FSTL4: variants seen among roughly 807,000 people sequenced by gnomAD.
The protein encoded by FSTL4 is follistatin like 4, also known as follistatin-related protein 4.
FSTL4 carries 28 observed loss-of-function variants against 78.2 expected under a neutral mutation model. That is an observed-to-expected ratio of 0.36 (90% CI 0.27 to 0.49). FSTL4 has a LOEUF of 0.49. Ranked by LOEUF, FSTL4 falls within the 20% of genes least tolerant of loss-of-function variation. FSTL4 has a pLI of 0.98. For synonymous variants in FSTL4, 422 were observed against 440.5 expected (o/e 0.96, Z 0.53); for missense variants, 922 against 1,084.9 (o/e 0.85, Z 2.11).
chr5:133,812,276 A>G, the FSTL4 span, among the ~76,000 whole-genome samples: 2 of 152,056 alleles, frequency 1.3e-5, no homozygotes, highest in South Asian at 4.2e-4. Context: ...TCTGTGGTCC[A>G]CCCTCCACTA....
At chr5:133,810,296 C>T in the FSTL4 span, among the ~76,000 whole-genome samples, 77 of 152,380 alleles carry the variant, frequency 5.1e-4, no homozygotes, top group South Asian at 5.4e-3. Flanking sequence ...TCTTCTGGCA[C>T]AGCCTTCCCA....
At chr5:133,469,231 T>C (rs543643660) in intron 3 of FSTL4, among the ~76,000 whole-genome samples, 2 of 152,164 alleles carry the variant, frequency 1.3e-5, no homozygotes, top group African/African-American at 4.8e-5. Flanking sequence ...GCGATCAAGG[T>C]GATAGATTCT....
the FSTL4 span, among the ~76,000 whole-genome samples, chr5:133,813,817 T>G: frequency 6.8e-4 from 104 of 152,386 alleles, no homozygotes; most frequent in South Asian, 0.019. Flanking sequence ...TTGAGTTCAC[T>G]GAGAGACTAT....
intron 3 of FSTL4, among the ~76,000 whole-genome samples, chr5:133,523,264 C>T (rs979961908): frequency 2.0e-5 from 3 of 152,188 alleles, no homozygotes; most frequent in African/African-American, 7.2e-5. Flanking sequence ...GCTCAGACTT[C>T]CAGCCTCCAG....
chr5:133,275,793 G>A (rs749757726), intron 6 of FSTL4: 7 of 152,182 alleles, frequency 4.6e-5, no homozygotes, highest in African/African-American at 7.2e-5. Context: ...TGAAGGTTTC[G>A]AAGTGGTCTG....
intron 4 of FSTL4, among the ~76,000 whole-genome samples, chr5:133,317,707 G>A (rs1753943062): frequency 6.6e-6 from 1 of 152,234 alleles, no homozygotes; most frequent in South Asian, 2.1e-4. Flanking sequence ...ATGTAGCCTT[G>A]GGCAGGGTGC....
chr5:133,466,453 A>G (rs1757710001), intron 3 of FSTL4, among the ~76,000 whole-genome samples: 1 of 152,060 alleles, frequency 6.6e-6, no homozygotes, highest in South Asian at 2.1e-4. Context: ...GAGGCAGGAG[A>G]ATGGCGTGAA....
intron 3 of FSTL4, among the ~76,000 whole-genome samples, chr5:133,493,645 C>T (rs1295911376): frequency 2.6e-5 from 4 of 152,150 alleles, no homozygotes; most frequent in Admixed American, 1.3e-4. Flanking sequence ...TGAGGTGGCC[C>T]GTGCTGGGTC....
intron 6 of FSTL4, among the ~76,000 whole-genome samples, chr5:133,302,408 C>G (rs1177178871): frequency 6.6e-6 from 1 of 152,034 alleles, no homozygotes; most frequent in Admixed American, 6.5e-5. Context: ...CACAGGTCTT[C>G]GAAAAAGGGA....
At chr5:133,604,245 C>T (rs1213351171) in intron 1 of FSTL4, among the ~76,000 whole-genome samples, 1 of 152,142 alleles carries the variant, frequency 6.6e-6, no homozygotes, top group East Asian at 1.9e-4. Flanking sequence ...AGAGTAAGAA[C>T]TCTATAAATG....
chr5:133,670,141 G>A, the FSTL4 span, among the ~76,000 whole-genome samples: 4 of 152,132 alleles, frequency 2.6e-5, no homozygotes, highest in Non-Finnish European at 5.9e-5. Flanking sequence ...TGAGAGAGAG[G>A]GATATTTGAC....
chr5:133,839,063 T>C, the FSTL4 span, among the ~76,000 whole-genome samples: 1 of 152,224 alleles, frequency 6.6e-6, no homozygotes, highest in Non-Finnish European at 1.5e-5. Context: ...GAGTTTTCTG[T>C]CACTGAGAAA....
At chr5:133,456,498 C>T (rs1024730143) in intron 3 of FSTL4, among the ~76,000 whole-genome samples, 3 of 152,192 alleles carry the variant, frequency 2.0e-5, no homozygotes, top group African/African-American at 7.2e-5. Context: ...AGGGGGAAAA[C>T]CAGCTGATTC....
chr5:133,667,690 T>C, the FSTL4 span, among the ~76,000 whole-genome samples: 5 of 152,176 alleles, frequency 3.3e-5, no homozygotes, highest in African/African-American at 1.2e-4. Flanking sequence ...CCTGACTACT[T>C]ACAGTGGCAA....
the FSTL4 span, among the ~76,000 whole-genome samples, chr5:133,802,817 G>A: frequency 2.0e-5 from 3 of 152,204 alleles, no homozygotes; most frequent in Non-Finnish European, 2.9e-5. Flanking sequence ...CCACAGAGGT[G>A]GGCAGCTGTG....
chr5:133,380,083 A>G (rs1755530925), intron 4 of FSTL4, among the ~76,000 whole-genome samples: 1 of 152,026 alleles, frequency 6.6e-6, no homozygotes, highest in African/African-American at 2.4e-5. Context: ...ATAAAATAAA[A>G]TAAAACAAAT....
At chr5:133,253,439 T>A (rs1752309223) in intron 6 of FSTL4, among the ~76,000 whole-genome samples, 1 of 152,268 alleles carries the variant, frequency 6.6e-6, no homozygotes, top group East Asian at 1.9e-4. Context: ...CCCTCGCTTT[T>A]GACTCGGAGC....
At chr5:133,633,182 T>C in the FSTL4 span, among the ~76,000 whole-genome samples, 129 of 148,100 alleles carry the variant, frequency 8.7e-4, no homozygotes, top group African/African-American at 2.9e-3. Context: ...TTGAGTCTTT[T>C]GTTACATTTG....
the FSTL4 span, among the ~76,000 whole-genome samples, chr5:133,704,448 C>G: frequency 6.6e-6 from 1 of 152,254 alleles, no homozygotes. Flanking sequence ...GGTTCAGGCC[C>G]CCAGGCAGAA....
Sources: gnomAD v4.1 joint callset for allele counts (sites outside exome capture counted in the v4.1 genomes callset) on GRCh38, gnomAD v4.1.1 for gene constraint, MANE v1.5 for transcripts, NCBI Gene and HGNC (gene_info 2026-07-23, HGNC 2026-07-21) for gene names.